Variants in GAK observed in about 807,000 individuals in gnomAD.
The protein encoded by GAK is cyclin G associated kinase, also known as cyclin-G-associated kinase.
Under a neutral mutation model 143.9 loss-of-function variants are expected in GAK, and 79 were observed. The ratio of observed to expected loss-of-function variants is 0.55; its 90% CI spans 0.46 to 0.66. The LOEUF (loss-of-function observed/expected upper bound fraction) is 0.66. Ranked by LOEUF, GAK falls within the 30% of genes least tolerant of loss-of-function variation. The pLI is 0.00. For synonymous variants in GAK, 881 were observed against 765.5 expected (o/e 1.15, Z -2.49); for missense variants, 1,693 against 1,779.7 (o/e 0.95, Z 0.88).
At chr4:922,725 C>T (rs144872188) in intron 1 of GAK, among the ~76,000 whole-genome samples, 110 of 152,258 alleles carry the variant, frequency 7.2e-4, no homozygotes, top group African/African-American at 2.5e-3. Context: ...TGTATGGCCA[C>T]TCAAGAAAAC....
At chr4:850,306 C>T in intron 26 of GAK, 1 of 439,380 alleles carries the variant, frequency 2.3e-6, no homozygotes, top group South Asian at 5.5e-5. Context: ...ACCCTCGTCT[C>T]AGCCAGATGT....
At chr4:874,951 A>G (rs10023660) in intron 18 of GAK, among the ~76,000 whole-genome samples, 6 of 152,050 alleles carry the variant, frequency 3.9e-5, no homozygotes, top group Non-Finnish European at 8.8e-5. Flanking sequence ...TGCTGTGCCT[A>G]TTCCACTGTT....
chr4:884,463 G>C (rs1715846222), intron 11 of GAK: 1 of 243,686 alleles, frequency 4.1e-6, no homozygotes, highest in South Asian at 4.9e-5. Flanking sequence ...GGGTGGCTTG[G>C]ACGATGGTCA....
chr4:882,930 A>G (rs922106045), intron 13 of GAK, 111 bp from the exon 14 acceptor site: 2 of 1,399,450 alleles, frequency 1.4e-6, no homozygotes, highest in African/African-American at 1.4e-5. Context: ...AGCTGGTGTC[A>G]TGAACAGGCG....
At chr4:883,226 C>T (rs1715526311) in intron 13 of GAK, 89 bp downstream of exon 13, 1 of 1,497,236 alleles carries the variant, frequency 6.7e-7, no homozygotes, top group African/African-American at 1.4e-5. Context: ...ATCACAGCCC[C>T]ACCCTGGCCA....
At chr4:882,161 G>T in intron 14 of GAK, 121 bp from the exon 15 acceptor site, 1 of 1,110,696 alleles carries the variant, frequency 9.0e-7, no homozygotes, top group Non-Finnish European at 1.3e-6. Context: ...CCTCTCTGAA[G>T]CTGGGATATG....
rs1456437516 is a variant in GAK, at chr4:925,854, G to A, written c.145+6189C>T. 2.6e-5 allele frequency among the ~76,000 whole-genome samples: 4 copies of A among 152,206 alleles called. No homozygotes were observed. In the East Asian group the frequency reaches 5.8e-4, roughly 22 times the overall value. On this transcript the variant is annotated intron_variant, in intron 1 of 27. Coordinates refer to ENST00000314167, the MANE Select transcript of GAK (RefSeq NM_005255.4). ...TGTGGTTTATAGGCCCCCAGTGTACGACGTTCTGTTACAGCAGCACAGACG... is the reference window on the plus strand; with the variant it reads ...TGTGGTTTATAGGCCCCCAGTGTACAACGTTCTGTTACAGCAGCACAGACG...
At chr4:850,382 C>T (rs918732754) in intron 26 of GAK, 3 of 300,650 alleles carry the variant, frequency 1.0e-5, no homozygotes, top group Admixed American at 4.6e-5. Flanking sequence ...CCCCAGACTC[C>T]GAGGGAGAAG....
At chr4:914,599 C>T (rs1207574211) in intron 1 of GAK, among the ~76,000 whole-genome samples, 1 of 128,640 alleles carries the variant, frequency 7.8e-6, no homozygotes, top group Non-Finnish European at 1.6e-5. Flanking sequence ...CGGCCCCACA[C>T]ACATAGCCCC....
At chr4:918,951 A>G (rs13114927) in intron 1 of GAK, among the ~76,000 whole-genome samples, 1 of 77,718 alleles carries the variant, frequency 1.3e-5, no homozygotes, top group Non-Finnish European at 2.9e-5. Context: ...GACCTTAGAA[A>G]GACAGAAGGC....
chr4:914,749 CACACAGCCCCAGCATACACGGCCCCCA>C, intron 1 of GAK, among the ~76,000 whole-genome samples: 1 of 130,056 alleles, frequency 7.7e-6, no homozygotes, highest in Non-Finnish European at 1.6e-5. Flanking sequence ...CAAGGCCCCA[CACACAGCCCCAGCATACACGGCCCCCA>C]ACACACACAG....
intron 15 of GAK, among the ~76,000 whole-genome samples, chr4:880,619 G>A (rs573962312): frequency 1.3e-5 from 2 of 151,948 alleles, no homozygotes; most frequent in East Asian, 3.9e-4. Flanking sequence ...GGCCTCCACC[G>A]GTTGGACTCT....
intron 20 of GAK, among the ~76,000 whole-genome samples, chr4:867,840 T>C (rs3733351): frequency 0.56 from 85,605 of 151,794 alleles, 24,318 homozygotes; most frequent in South Asian, 0.75. Context: ...GGCGGTGGGG[T>C]GTTGTTCCTG....
chr4:896,652 G>C (rs1045204808), intron 6 of GAK, 103 bp from the exon 7 acceptor site: 3 of 872,314 alleles, frequency 3.4e-6, no homozygotes, highest in Non-Finnish European at 5.6e-6. Flanking sequence ...AGCAGACTGA[G>C]GGGCAGCCTG....
rs750734645 is a variant in GAK, at chr4:904,620, G to T, written c.525+17C>A. ...CACACAGAGGCCTTGGCAGCCGCGT[G>T]TGGAGGGAGCCACTACCTTGAGGTC... On this transcript the variant is annotated intron_variant, in intron 5 of 27. Coordinates refer to ENST00000314167, the MANE Select transcript of GAK (RefSeq NM_005255.4). 1.1e-5 allele frequency: 17 copies of T among 1,559,140 alleles called. No homozygotes were observed. Among genetic ancestry groups the T allele is most frequent in the Non-Finnish European group, 1.3e-5 (15 of 1,151,954 alleles).
At chr4:929,286 A>G (rs1725310327) in intron 1 of GAK, among the ~76,000 whole-genome samples, 1 of 152,224 alleles carries the variant, frequency 6.6e-6, no homozygotes, top group Admixed American at 6.5e-5. Context: ...CTCAAATTAC[A>G]TACAACACCC....
chr4:862,947 G>C (rs992025497), intron 23 of GAK, among the ~76,000 whole-genome samples: 5 of 152,258 alleles, frequency 3.3e-5, no homozygotes, highest in African/African-American at 1.2e-4. Flanking sequence ...TCAAGGAGTC[G>C]TGTCGACTTC....
intron 11 of GAK, chr4:884,371 T>C (rs1715820412): frequency 4.6e-6 from 2 of 434,022 alleles, no homozygotes; most frequent in South Asian, 2.4e-5. Flanking sequence ...CCCCTTCCCC[T>C]GCGCTCTCCA....
chr4:911,654 G>T lies in GAK; in HGVS notation c.382+19C>A. ...CTGCTGGGTTAGATGGCACCAAGCC[G>T]GCCTTCACAGGACGTTACCTTTACA... On this transcript the variant is annotated intron_variant, in intron 4 of 27. Transcript: ENST00000314167. The T allele has an allele frequency of 6.3e-7, 1 of 1,578,492 alleles. No homozygotes were observed. The highest frequency in any genetic ancestry group is 8.7e-7 in the Non-Finnish European group (1 of 1,148,108).
Sources: allele counts gnomAD v4.1 joint callset (sites outside exome capture counted in the v4.1 genomes callset), GRCh38; gene constraint gnomAD v4.1.1; transcripts MANE v1.5; gene names NCBI Gene and HGNC (gene_info 2026-07-23, HGNC 2026-07-21).